Variants in SPOCK2 observed in about 807,000 individuals in gnomAD.
SPOCK2 encodes the protein SPARC (osteonectin), cwcv and kazal like domains proteoglycan 2.
In SPOCK2, 39 loss-of-function variants were observed where a neutral mutation model predicts 60.1. The observed-to-expected ratio is 0.65, with a 90% CI of 0.50 to 0.85. SPOCK2 has a LOEUF of 0.85. Among genes scored for constraint, SPOCK2 ranks in the 40% least tolerant of loss-of-function variants. The pLI is 0.00. For missense variants in SPOCK2, 523 were observed against 567.4 expected (o/e 0.92, Z 0.80); for synonymous variants, 217 against 231.5 (o/e 0.94, Z 0.57).
At chr10:72,067,405 A>ATGTTAAGT (rs1840585051) in intron 7 of SPOCK2, among the ~76,000 whole-genome samples, 1 of 152,054 alleles carries the variant, frequency 6.6e-6, no homozygotes, top group Admixed American at 6.5e-5. Flanking sequence ...CCCTCCACCC[A>ATGTTAAGT]TGTTAAGTTC....
In SPOCK2 at chr10:72,070,411, G is replaced by A. The variant is rs758607028; in HGVS notation, c.375C>T (p.Thr125=). Residue 125 remains threonine (T), a synonymous_variant, in exon 5 of 11, where the codon ACC becomes ACT. Coordinates refer to ENST00000373109, the MANE Select transcript of SPOCK2 (RefSeq NM_001244950.2). The part of the protein sequence containing the change: ...KKLEHRIKQP[T]VKLHGNKDSI... ...AGTCTTTGTTTCCATGGAGTTTCACGGTCGGCTGCTTGATCCTACAGGAGA... is the reference window on the plus strand; with the variant it reads ...AGTCTTTGTTTCCATGGAGTTTCACAGTCGGCTGCTTGATCCTACAGGAGA... 8.7e-6 allele frequency: 14 copies of A among 1,614,008 alleles called. No homozygotes were observed. Among genetic ancestry groups the A allele is most frequent in the East Asian group, 4.5e-5 (2 of 44,886 alleles).
rs148884003 is a variant in SPOCK2, at chr10:72,061,090, A to G, written c.*1670T>C. ...CTGCACTCACCACGCACTGAAGGGC[A>G]TCACAGCCCCAAGTCTGGGTAAGAA... is the stretch of plus-strand genomic sequence containing the variant. On this transcript the variant is annotated 3_prime_UTR_variant, in exon 11 of 11. Transcript: ENST00000373109. 1 of 152,888 alleles carries G rather than the reference A, an allele frequency of 6.5e-6. No individual in the cohort carries two copies. The highest frequency in any genetic ancestry group is 1.5e-5 in the Non-Finnish European group (1 of 68,128). The allele number at this position is 152,888 out of a possible 1,614,324, so 9.5% of individuals were successfully genotyped here. A position where few individuals can be genotyped will look rare whatever the true frequency, so the allele number is the denominator to read the frequency against.
intron 1 of SPOCK2, among the ~76,000 whole-genome samples, chr10:72,073,887 C>T (rs1319950549): frequency 1.3e-5 from 2 of 152,198 alleles, no homozygotes; most frequent in Non-Finnish European, 2.9e-5. Context: ...CCTAACAGTC[C>T]CAGGGCACTC....
chr10:72,062,472 G>A lies in SPOCK2; in HGVS notation c.*288C>T, dbSNP rs1274123593. Reference sequence around the variant, plus strand: ...AGAAAACAGCTACAAGGAGGCCGAAGGGGCCTTTGGGTGACTCACTCTGCC... The same window carrying A: ...AGAAAACAGCTACAAGGAGGCCGAAAGGGCCTTTGGGTGACTCACTCTGCC... On this transcript the variant is annotated 3_prime_UTR_variant, in exon 11 of 11. Transcript: ENST00000373109. The surrounding 1 kb of genome is among the most constrained non-coding windows in gnomAD (Gnocchi z 4.3). The A allele has an allele frequency of 1.1e-5, 5 of 462,274 alleles. No individual in the cohort carries two copies. Among genetic ancestry groups the A allele is most frequent in the East Asian group, 3.6e-5 (1 of 27,402 alleles). 28.6% of individuals were successfully genotyped at this position (462,274 alleles called of 1,614,324 possible).
At chr10:72,064,053 C>T in intron 9 of SPOCK2, 125 bp downstream of exon 9, 1 of 1,272,630 alleles carries the variant, frequency 7.9e-7, no homozygotes, top group Non-Finnish European at 1.1e-6. Context: ...TTCTGTCTTC[C>T]TAGGCCAGGG....
rs1840492520 is a variant in SPOCK2 at position 72,061,639 on chromosome 10, G to C, written c.*1121C>G. The stretch of plus-strand genomic sequence containing the variant: ...CCCTTAGCCTAGACCCAGGCTCCTT[G>C]CCTGCTGCTCCTGGCCCTCAGGCGC... On this transcript the variant is annotated 3_prime_UTR_variant, in exon 11 of 11. Coordinates refer to ENST00000373109, the MANE Select transcript of SPOCK2 (RefSeq NM_001244950.2). 1 of 152,584 alleles carries C rather than the reference G, an allele frequency of 6.6e-6. No individual in the cohort carries two copies. The highest frequency in any genetic ancestry group is 2.1e-4 in the South Asian group (1 of 4,838). 9.5% of individuals were successfully genotyped at this position (152,584 alleles called of 1,614,324 possible).
rs201476579 is a variant in SPOCK2, at chr10:72,067,613, C to T, written c.709G>A (p.Gly237Arg). The change falls in exon 7 of 11, where the codon GGG becomes AGG. Residue 237 changes from glycine to arginine, a missense_variant and splice_region_variant. Gly to Arg is a moderately radical substitution (Grantham distance 125). Coordinates refer to ENST00000373109, the MANE Select transcript of SPOCK2 (RefSeq NM_001244950.2). Reference protein sequence around the residue: ...SASSVAGPASGLDKSLGASCK... With the variant: ...SASSVAGPASRLDKSLGASCK... ...CCAGGCAGAGCAGCAAGCTTCCTACCGCTGGCCGGGCCGGCTACACTGCTG... is the reference window on the plus strand; with the variant it reads ...CCAGGCAGAGCAGCAAGCTTCCTACTGCTGGCCGGGCCGGCTACACTGCTG... 9.8e-5 allele frequency: 158 copies of T among 1,612,344 alleles called. No individual in the cohort carries two copies. Among genetic ancestry groups the T allele is most frequent in the Non-Finnish European group, 1.2e-4 (143 of 1,179,994 alleles).
chr10:72,080,920 G>A (rs1840775217), intron 1 of SPOCK2, among the ~76,000 whole-genome samples: 1 of 152,172 alleles, frequency 6.6e-6, no homozygotes, highest in Non-Finnish European at 1.5e-5. Context: ...CCTAGTCCTT[G>A]GTCCCTGCTC....
At chr10:72,072,448 G>C in intron 3 of SPOCK2, 55 bp downstream of exon 3, 3 of 1,611,466 alleles carry the variant, frequency 1.9e-6, no homozygotes, top group African/African-American at 1.3e-5. Context: ...TTGCCCTCTG[G>C]TCTCAAGTCT....
At position 72,062,921 on chromosome 10, in the gene SPOCK2, G is replaced by T; in HGVS notation, c.1130-16C>A. On this transcript the variant is annotated splice_polypyrimidine_tract_variant and intron_variant, in intron 10 of 10. Transcript: ENST00000373109. The surrounding 1 kb of genome is among the most constrained non-coding windows in gnomAD (Gnocchi z 4.3). ...ACGATGTCATCTGTGAGGGGATCAA[G>T]CCAACAGGGGGTGAGGGAGCTTCTG... 1.3e-6 allele frequency: 2 copies of T among 1,596,212 alleles called. No individual in the cohort carries two copies. Among genetic ancestry groups the T allele is most frequent in the Non-Finnish European group, 8.5e-7 (1 of 1,174,160 alleles).
intron 1 of SPOCK2, among the ~76,000 whole-genome samples, chr10:72,083,105 G>A (rs1468284442): frequency 6.6e-6 from 1 of 152,172 alleles, no homozygotes; most frequent in African/African-American, 2.4e-5. Context: ...CCTCAGCCTG[G>A]TGCTTGCCCC....
Position 72,060,552 on chromosome 10 carries a change from T to C in SPOCK2, c.*2208A>G, listed in dbSNP as rs1445129518. ...CTCCAGCTGGGACAAATGGAAGAGA[T>C]AGGTAGACTCCAATCCTAGCAAGAG... On this transcript the variant is annotated 3_prime_UTR_variant, in exon 11 of 11. Coordinates refer to ENST00000373109, the MANE Select transcript of SPOCK2 (RefSeq NM_001244950.2). 6.8e-6 allele frequency: 1 copy of C among 146,944 alleles called. No homozygotes were observed. The highest frequency in any genetic ancestry group is 2.6e-5 in the African/African-American group (1 of 39,086). 9.1% of individuals were successfully genotyped at this position (146,944 alleles called of 1,614,324 possible).
intron 5 of SPOCK2, 189 bp downstream of exon 5, chr10:72,070,123 C>G: frequency 1.7e-6 from 1 of 573,584 alleles, no homozygotes; most frequent in Non-Finnish European, 3.1e-6. Context: ...GGCTCCAACT[C>G]TCAGGTAGTT....
At chr10:72,088,676 T>C (rs1194981119), upstream of SPOCK2, 1 of 193,462 alleles carries the variant, frequency 5.2e-6, no homozygotes, top group Non-Finnish European at 1.0e-5. Flanking sequence ...GCTCCCTCGA[T>C]GAGAGCGCCA....
Position 72,060,403 on chromosome 10 carries a change from T to C in SPOCK2, c.*2357A>G, listed in dbSNP as rs1040826686. 1 of 152,234 alleles carries C rather than the reference T, an allele frequency of 6.6e-6. No individual in the cohort carries two copies. Among genetic ancestry groups the C allele is most frequent in the East Asian group, 1.9e-4 (1 of 5,162 alleles). 9.4% of individuals were successfully genotyped at this position (152,234 alleles called of 1,614,324 possible). On this transcript the variant is annotated 3_prime_UTR_variant, in exon 11 of 11. Transcript: ENST00000373109. The stretch of plus-strand genomic sequence containing the variant: ...GACCCAGAGACAGAGAGAGCACGTG[T>C]CCCAGGAGCGGAGGGTGACATCAAG...
intron 4 of SPOCK2, 21 bp downstream of exon 4, chr10:72,072,123 C>A: frequency 6.8e-7 from 1 of 1,467,582 alleles, no homozygotes; most frequent in Middle Eastern, 1.8e-4. Flanking sequence ...TCCAGGGCTC[C>A]CACCTCCCCA....
intron 1 of SPOCK2, among the ~76,000 whole-genome samples, chr10:72,079,397 G>A (rs772344421): frequency 6.6e-6 from 1 of 152,110 alleles, no homozygotes; most frequent in Non-Finnish European, 1.5e-5. Context: ...AAGACACCTG[G>A]GGGCCCCCGT....
At chr10:72,075,641 G>C (rs769310772) in intron 1 of SPOCK2, among the ~76,000 whole-genome samples, 16 of 152,220 alleles carry the variant, frequency 1.1e-4, no homozygotes, top group Non-Finnish European at 1.9e-4. Flanking sequence ...GCTTTCCCCA[G>C]CTGCTCCACC....
Position 72,067,694 on chromosome 10 carries a change from G to T in SPOCK2, c.628C>A (p.Arg210=), listed in dbSNP as rs770205958. The T allele has an allele frequency of 4.3e-6, 7 of 1,613,766 alleles. No homozygotes were observed. Among genetic ancestry groups the T allele is most frequent in the South Asian group, 1.1e-5 (1 of 91,028 alleles). The change falls in exon 7 of 11, where the codon CGG becomes AGG. Residue 210 remains arginine (R), a synonymous_variant. Transcript: ENST00000373109. ...TGQDLADLGD[R]LRDWFQLLHE... The stretch of plus-strand genomic sequence containing the variant: ...AGGAGCTGGAACCAGTCCCGCAGCC[G>T]ATCTCCCAGGTCAGCCAGGTCCTGA...
Sources: gnomAD v4.1 joint callset for allele counts (sites outside exome capture counted in the v4.1 genomes callset) on GRCh38, gnomAD v4.1.1 for gene constraint, Gnocchi (gnomAD v3.1) non-coding constraint, MANE v1.5 for transcripts, NCBI Gene and HGNC (gene_info 2026-07-23, HGNC 2026-07-21) for gene names.